ADAMTS19: variants seen among roughly 807,000 people sequenced by gnomAD.
ADAMTS19 encodes ADAM metallopeptidase with thrombospondin type 1 motif 19, also known as A disintegrin and metalloproteinase with thrombospondin motifs 19.
ADAMTS19 carries 93 observed loss-of-function variants against 153.3 expected under a neutral mutation model. That is an observed-to-expected ratio of 0.61 (90% CI 0.51 to 0.72). The LOEUF is 0.72. Among genes scored for constraint, ADAMTS19 ranks in the 30% least tolerant of loss-of-function variants. The probability of loss-of-function intolerance (pLI) is 0.00; values close to 1 mark genes in which losing one functional copy is unlikely to be tolerated. For missense variants in ADAMTS19, 1,482 were observed against 1,552.1 expected (o/e 0.95, Z 0.76); for synonymous variants, 600 against 556.6 (o/e 1.08, Z -1.10).
chr5:129,559,323 T>G (rs564969875), intron 7 of ADAMTS19, among the ~76,000 whole-genome samples: 9 of 151,750 alleles, frequency 5.9e-5, no homozygotes, highest in African/African-American at 1.9e-4. Context: ...AACAAGGAAG[T>G]AGACATGCCA....
intron 21 of ADAMTS19, among the ~76,000 whole-genome samples, chr5:129,732,743 G>A (rs1204549833): frequency 1.3e-5 from 2 of 151,890 alleles, no homozygotes; most frequent in Non-Finnish European, 2.9e-5. Flanking sequence ...ACTACCCAAA[G>A]CAATCTAGAG....
At chr5:129,675,073 A>G (rs1242454452) in intron 16 of ADAMTS19, among the ~76,000 whole-genome samples, 1 of 152,024 alleles carries the variant, frequency 6.6e-6, no homozygotes, top group African/African-American at 2.4e-5. Context: ...GTGATATTTT[A>G]TCATCTTCTG....
At chr5:129,494,054 T>C (rs1391958373) in intron 2 of ADAMTS19, among the ~76,000 whole-genome samples, 1 of 152,128 alleles carries the variant, frequency 6.6e-6, no homozygotes, top group Admixed American at 6.6e-5. Flanking sequence ...AATTATAAAG[T>C]CCGTATGTAT....
At chr5:129,477,828 T>C (rs1750274123) in intron 2 of ADAMTS19, among the ~76,000 whole-genome samples, 1 of 152,198 alleles carries the variant, frequency 6.6e-6, no homozygotes, top group Non-Finnish European at 1.5e-5. Flanking sequence ...TACATCAGAC[T>C]CTATACTGGA....
chr5:129,584,348 G>C (rs1326157644), intron 7 of ADAMTS19, among the ~76,000 whole-genome samples: 1 of 152,176 alleles, frequency 6.6e-6, no homozygotes, highest in Non-Finnish European at 1.5e-5. Flanking sequence ...GCTGGGAGGT[G>C]TCTCCCATTC....
rs531607499 is a variant in ADAMTS19, at chr5:129,503,011, A to G, written c.748-6066A>G. ...TTTTGAAGAATTGATAGCTCTTCAC[A>G]GGCACAATGGCATTCTGGAAAGAGA... On this transcript the variant is annotated intron_variant, in intron 2 of 22. Transcript: ENST00000274487. 1.1e-4 allele frequency among the ~76,000 whole-genome samples: 17 copies of G among 152,344 alleles called. No individual in the cohort carries two copies. The South Asian group carries it at 3.3e-3, about 30-fold the overall frequency.
intron 19 of ADAMTS19, among the ~76,000 whole-genome samples, chr5:129,697,363 T>TA (rs1055706354): frequency 8.5e-5 from 13 of 152,296 alleles, no homozygotes; most frequent in Non-Finnish European, 7.4e-5. Context: ...CTGGGGGGCT[T>TA]AAAATTCTAT....
intron 7 of ADAMTS19, among the ~76,000 whole-genome samples, chr5:129,575,557 G>A (rs1754069672): frequency 6.6e-6 from 1 of 151,898 alleles, no homozygotes; most frequent in Admixed American, 6.6e-5. Flanking sequence ...TAACTTCTTT[G>A]GCTTGTGAGC....
chr5:129,726,548 G>C (rs1163949008), intron 21 of ADAMTS19, among the ~76,000 whole-genome samples: 1 of 152,094 alleles, frequency 6.6e-6, no homozygotes, highest in Non-Finnish European at 1.5e-5. Context: ...GGGAAGGAAG[G>C]GGAGAGAGAG....
chr5:129,585,847 T>A (rs1464422271), intron 7 of ADAMTS19, among the ~76,000 whole-genome samples: 2 of 152,250 alleles, frequency 1.3e-5, no homozygotes, highest in Non-Finnish European at 2.9e-5. Context: ...TGCAGACACC[T>A]GTCAGCTTTA....
chr5:129,732,117 T>C (rs1757466438), intron 21 of ADAMTS19, among the ~76,000 whole-genome samples: 1 of 152,150 alleles, frequency 6.6e-6, no homozygotes, highest in Non-Finnish European at 1.5e-5. Flanking sequence ...AATATGTTCT[T>C]TGCAAAATAT....
At chr5:129,624,858 G>C (rs1457275124) in intron 10 of ADAMTS19, among the ~76,000 whole-genome samples, 1 of 151,336 alleles carries the variant, frequency 6.6e-6, no homozygotes, top group Non-Finnish European at 1.5e-5. Flanking sequence ...TATTATACTT[G>C]AAGTTCTAGG....
At chr5:129,665,885 TATATA>T (rs1041939831) in intron 16 of ADAMTS19, among the ~76,000 whole-genome samples, 7 of 92,160 alleles carry the variant, frequency 7.6e-5, no homozygotes, top group African/African-American at 2.7e-4. Flanking sequence ...TATATTCATA[TATATA>T]TATATATATA....
Position 129,551,923 on chromosome 5 carries a change from C to T in ADAMTS19, c.1372+16C>T, listed in dbSNP as rs950820704. ...GATACTGTTGGTAAGTGTGAAAATT[C>T]TCACACTTTTGGAGTTCTGGAGAAC... is the stretch of plus-strand genomic sequence containing the variant. On this transcript the variant is annotated intron_variant, in intron 7 of 22. Transcript: ENST00000274487. 3.9e-6 allele frequency: 6 copies of T among 1,543,432 alleles called. No individual in the cohort carries two copies. The African/African-American group carries it at 5.6e-5, about 14-fold the overall frequency.
Position 129,713,851 on chromosome 5 carries a change from A to T in ADAMTS19, c.3312+9460A>T, listed in dbSNP as rs141663309. ...TCTGGCCTTGAGATTTTGCTTCAGGATGACTGGATGGCACTCCAGCATCTA... is the reference window on the plus strand; with the variant it reads ...TCTGGCCTTGAGATTTTGCTTCAGGTTGACTGGATGGCACTCCAGCATCTA... On this transcript the variant is annotated intron_variant, in intron 21 of 22. Transcript: ENST00000274487. Among the ~76,000 whole-genome samples, 530 of 151,848 alleles carry T rather than the reference A, an allele frequency of 3.5e-3. 9 individuals are homozygous for T. Among genetic ancestry groups the T allele is most frequent in the Middle Eastern group, 0.021 (6 of 290 alleles).
At chr5:129,517,946 A>G (rs180806102) in intron 3 of ADAMTS19, among the ~76,000 whole-genome samples, 429 of 151,956 alleles carry the variant, frequency 2.8e-3, no homozygotes, top group African/African-American at 9.5e-3. Context: ...TTTATTCTCT[A>G]TGTATTCACC....
chr5:129,481,097 A>G (rs1416745624), intron 2 of ADAMTS19, among the ~76,000 whole-genome samples: 3 of 152,204 alleles, frequency 2.0e-5, no homozygotes, highest in South Asian at 2.1e-4. Context: ...ACACTGCTAT[A>G]AAGATACTAC....
At chr5:129,549,847 TATACATATAC>T (rs1753004053) in intron 6 of ADAMTS19, among the ~76,000 whole-genome samples, 1 of 129,216 alleles carries the variant, frequency 7.7e-6, no homozygotes, top group African/African-American at 3.3e-5. Flanking sequence ...TGTATCTATA[TATACATATAC>T]ATGTATCCGT....
At chr5:129,722,868 C>A (rs1439816136) in intron 21 of ADAMTS19, among the ~76,000 whole-genome samples, 2 of 152,184 alleles carry the variant, frequency 1.3e-5, no homozygotes, top group African/African-American at 4.8e-5. Flanking sequence ...GGATTTCACA[C>A]CTTGTTTTGT....
Sources: gnomAD v4.1 joint callset for allele counts (sites outside exome capture counted in the v4.1 genomes callset) on GRCh38, gnomAD v4.1.1 for gene constraint, MANE v1.5 for transcripts, NCBI Gene and HGNC (gene_info 2026-07-23, HGNC 2026-07-21) for gene names.